Variants in CLIP1 observed in about 807,000 individuals in gnomAD.
CLIP1 encodes the protein CAP-Gly domain containing linker protein 1.
In CLIP1, 66 loss-of-function variants were observed where a neutral mutation model predicts 161.6. The ratio of observed to expected loss-of-function variants is 0.41; its 90% CI spans 0.33 to 0.50. The LOEUF (loss-of-function observed/expected upper bound fraction) is 0.50, where lower values mean the gene tolerates loss of function less well. Ranked by LOEUF, CLIP1 falls within the 20% of genes least tolerant of loss-of-function variation. The pLI, the probability that CLIP1 is intolerant of heterozygous loss-of-function variation, is 0.27. For synonymous variants in CLIP1, 598 were observed against 626.2 expected (o/e 0.96, Z 0.67); for missense variants, 1,376 against 1,702.0 (o/e 0.81, Z 3.37).
intron 11 of CLIP1, among the ~76,000 whole-genome samples, chr12:122,339,258 T>C (rs1952380974): frequency 6.6e-6 from 1 of 152,132 alleles, no homozygotes; most frequent in Non-Finnish European, 1.5e-5. Flanking sequence ...AGAAAAAAAC[T>C]CCAATGAGAT....
chr12:122,352,669 C>A, intron 8 of CLIP1, 57 bp downstream of exon 8: 4 of 1,424,136 alleles, frequency 2.8e-6, no homozygotes, highest in Non-Finnish European at 4.0e-6. Context: ...CATTATTTCG[C>A]CCGTGTTCTG....
At chr12:122,413,582 A>G (rs1294475708) in intron 1 of CLIP1, among the ~76,000 whole-genome samples, 1 of 152,228 alleles carries the variant, frequency 6.6e-6, no homozygotes, top group African/African-American at 2.4e-5. Context: ...GAAGTATTTT[A>G]GAGCTTACGC....
At chr12:122,409,880 T>A (rs548620693) in intron 1 of CLIP1, among the ~76,000 whole-genome samples, 129 of 150,588 alleles carry the variant, frequency 8.6e-4, no homozygotes, top group African/African-American at 1.8e-3. Context: ...TTTTATTTTT[T>A]TTTTTTTTGA....
intron 19 of CLIP1, among the ~76,000 whole-genome samples, chr12:122,316,235 GGATCT>G (rs1347047108): frequency 1.3e-5 from 2 of 149,664 alleles, no homozygotes; most frequent in African/African-American, 4.9e-5. Context: ...TTTTGAGACA[GGATCT>G]CACTCTGTCA....
chr12:122,377,664 C>T lies in CLIP1; in HGVS notation c.382G>A (p.Val128Met), dbSNP rs774769309. The change falls in exon 3 of 26, where the codon GTG becomes ATG. Residue 128 changes from valine (V) to methionine (M), a missense_variant. Transcript: ENST00000620786. The part of the protein sequence containing the change: ...FTRPSKLTRK[V>M]QAEDEANGLQ... ...CCATTAGCTTCATCTTCTGCTTGCA[C>T]CTTCCTTGTTAACTTTGAAGGTCGG... The T allele has an allele frequency of 1.2e-6, 2 of 1,613,698 alleles. No homozygotes were observed. The highest frequency in any genetic ancestry group is 1.7e-6 in the Non-Finnish European group (2 of 1,179,968).
At chr12:122,289,784 G>A (rs1253489923) in intron 20 of CLIP1, among the ~76,000 whole-genome samples, 1 of 150,384 alleles carries the variant, frequency 6.6e-6, no homozygotes, top group Non-Finnish European at 1.5e-5. Flanking sequence ...AATACCACCA[G>A]TTTCAACTCA....
intron 5 of CLIP1, among the ~76,000 whole-genome samples, chr12:122,356,950 C>T (rs957111312): frequency 6.6e-6 from 1 of 152,334 alleles, no homozygotes; most frequent in Middle Eastern, 3.4e-3. Context: ...CTCAATGGTA[C>T]CCAGGCTGGA....
intron 8 of CLIP1, among the ~76,000 whole-genome samples, chr12:122,352,214 C>T (rs1259547753): frequency 6.6e-6 from 1 of 152,036 alleles, no homozygotes; most frequent in African/African-American, 2.4e-5. Context: ...CCCGCCACCA[C>T]GCCCGGCTAA....
intron 18 of CLIP1, 71 bp downstream of exon 18, chr12:122,319,161 A>C: frequency 1.9e-6 from 2 of 1,028,190 alleles, no homozygotes; most frequent in Non-Finnish European, 3.1e-6. Context: ...AGCAATCCTG[A>C]GTCAGTGACC....
intron 19 of CLIP1, among the ~76,000 whole-genome samples, chr12:122,313,329 G>A (rs928204006): frequency 6.6e-6 from 1 of 152,214 alleles, no homozygotes; most frequent in Admixed American, 6.5e-5. Context: ...ACCAGGAACA[G>A]CTCAGCACAG....
intron 1 of CLIP1, among the ~76,000 whole-genome samples, chr12:122,404,685 G>A (rs371245144): frequency 0.028 from 2,335 of 84,170 alleles, 54 homozygotes; most frequent in African/African-American, 0.087. Flanking sequence ...TCACGAGGTC[G>A]GATCCATCAA....
chr12:122,326,489 G>A (rs988283315), intron 17 of CLIP1, among the ~76,000 whole-genome samples: 3 of 152,232 alleles, frequency 2.0e-5, no homozygotes, highest in African/African-American at 4.8e-5. Context: ...AGACCAGCCT[G>A]AGCAACATAG....
chr12:122,365,417 A>C, intron 3 of CLIP1: 1 of 795,160 alleles, frequency 1.3e-6, no homozygotes, highest in Non-Finnish European at 2.3e-6. Flanking sequence ...CAAGAGAAAT[A>C]ATGTGCGTAT....
At chr12:122,366,832 C>A (rs1056117124) in intron 3 of CLIP1, among the ~76,000 whole-genome samples, 1 of 152,082 alleles carries the variant, frequency 6.6e-6, no homozygotes, top group African/African-American at 2.4e-5. Flanking sequence ...CAGAGTGAGA[C>A]CTTGTCTCAA....
chr12:122,352,641 C>T lies in CLIP1; in HGVS notation c.1368+85G>A, dbSNP rs115075230. Reference sequence around the variant, plus strand: ...CACTTCCTCAGCTGGCTGTTCTGGCCGCTCATTTCAATTGGTGCATTATTT... The same window carrying T: ...CACTTCCTCAGCTGGCTGTTCTGGCTGCTCATTTCAATTGGTGCATTATTT... On this transcript the variant is annotated intron_variant, in intron 8 of 25. Coordinates refer to ENST00000620786, the MANE Select transcript of CLIP1 (RefSeq NM_001247997.2). The T allele has an allele frequency of 4.6e-3, 5,679 of 1,236,896 alleles. 131 individuals carry two copies. In the African/African-American group the frequency reaches 0.058, roughly 13 times the overall value. The allele number at this position is 1,236,896 out of a possible 1,614,324, so 76.6% of individuals were successfully genotyped here.
At chr12:122,393,097 A>G (rs1207852207) in intron 1 of CLIP1, among the ~76,000 whole-genome samples, 1 of 151,888 alleles carries the variant, frequency 6.6e-6, no homozygotes, top group African/African-American at 2.4e-5. Context: ...TGTTTTTAAT[A>G]ATGAAACTTG....
chr12:122,276,504 G>A (rs1955436350), intron 24 of CLIP1: 2 of 1,286,224 alleles, frequency 1.6e-6, no homozygotes, highest in East Asian at 5.6e-5. Context: ...GAAAGGAAGG[G>A]GGAAGAGAAG....
At chr12:122,273,960 G>A in intron 25 of CLIP1, 78 bp downstream of exon 25, 1 of 1,302,472 alleles carries the variant, frequency 7.7e-7, no homozygotes, top group Non-Finnish European at 1.1e-6. Flanking sequence ...TCGAACTCCT[G>A]ACCCTCAAGT....
intron 1 of CLIP1, among the ~76,000 whole-genome samples, chr12:122,416,643 G>A (rs1956767379): frequency 6.6e-6 from 1 of 152,122 alleles, no homozygotes; most frequent in Non-Finnish European, 1.5e-5. Context: ...GCTCACACCT[G>A]TAATCCCAGC....
Sources: allele counts gnomAD v4.1 joint callset (sites outside exome capture counted in the v4.1 genomes callset), GRCh38; gene constraint gnomAD v4.1.1; transcripts MANE v1.5; gene names NCBI Gene and HGNC (gene_info 2026-07-23, HGNC 2026-07-21).